Variants in MALT1 observed in about 807,000 individuals in gnomAD.
The protein encoded by MALT1 is MALT1 paracaspase, also known as mucosa-associated lymphoid tissue lymphoma translocation protein 1.
Under a neutral mutation model 85.5 loss-of-function variants are expected in MALT1, and 36 were observed. The observed-to-expected ratio is 0.42, with a 90% CI of 0.32 to 0.56. The LOEUF (loss-of-function observed/expected upper bound fraction) is 0.56, where lower values mean the gene tolerates loss of function less well. MALT1 is among the 20% of genes least tolerant of loss of function. MALT1 has a pLI of 0.10. For missense variants in MALT1, 716 were observed against 981.6 expected, an observed-to-expected ratio of 0.73 and a Z score of 3.62; for synonymous variants, 359 against 361.3, an observed-to-expected ratio of 0.99 and a Z score of 0.07.
At chr18:58,730,521 A>G (rs1042123617) in intron 10 of MALT1, among the ~76,000 whole-genome samples, 2 of 150,748 alleles carry the variant, frequency 1.3e-5, no homozygotes, top group Admixed American at 6.6e-5. Context: ...CTATTATATG[A>G]TTATATTTTG....
Position 58,748,456 on chromosome 18 carries a change from T to G in MALT1, c.*614T>G, listed in dbSNP as rs1403834808. 5.5e-6 allele frequency: 1 copy of G among 181,944 alleles called. No individual in the cohort carries two copies. The highest frequency in any genetic ancestry group is 2.4e-5 in the African/African-American group (1 of 42,544). The allele number at this position is 181,944 out of a possible 1,614,324, so 11.3% of individuals were successfully genotyped here. On this transcript the variant is annotated 3_prime_UTR_variant, in exon 17 of 17. Coordinates refer to ENST00000649217, the MANE Select transcript of MALT1 (RefSeq NM_006785.4). The stretch of plus-strand genomic sequence containing the variant: ...ATGTACAAACTTTAGTTTTTGATTA[T>G]AAGGACTTCACTGCAAGTTTTAGTT...
chr18:58,742,877 A>T (rs928085283), intron 14 of MALT1, among the ~76,000 whole-genome samples: 2 of 152,216 alleles, frequency 1.3e-5, no homozygotes, highest in Admixed American at 1.3e-4. Flanking sequence ...ATCAGCAGAG[A>T]AGATGACGTG....
chr18:58,727,174 G>A (rs1016118229), intron 10 of MALT1, among the ~76,000 whole-genome samples: 1 of 152,176 alleles, frequency 6.6e-6, no homozygotes, highest in African/African-American at 2.4e-5. Flanking sequence ...TTCATCTTTA[G>A]ATTGGGGATT....
At chr18:58,697,997 G>T (rs2054614980) in intron 3 of MALT1, among the ~76,000 whole-genome samples, 1 of 151,734 alleles carries the variant, frequency 6.6e-6, no homozygotes, top group South Asian at 2.1e-4. Context: ...AGCTACTAAG[G>T]TTTTAAGCAA....
At chr18:58,736,574 T>C (rs2055224472) in intron 13 of MALT1, among the ~76,000 whole-genome samples, 1 of 152,256 alleles carries the variant, frequency 6.6e-6, no homozygotes, top group Non-Finnish European at 1.5e-5. Context: ...TTAACTATTT[T>C]AAAACTTAAT....
chr18:58,673,262 C>T (rs2054193118), intron 1 of MALT1, among the ~76,000 whole-genome samples: 1 of 152,120 alleles, frequency 6.6e-6, no homozygotes, highest in African/African-American at 2.4e-5. Flanking sequence ...TATTCAATTC[C>T]TAATCATAAG....
At chr18:58,726,202 G>A (rs1390805168) in intron 10 of MALT1, among the ~76,000 whole-genome samples, 1 of 152,188 alleles carries the variant, frequency 6.6e-6, no homozygotes, top group African/African-American at 2.4e-5. Flanking sequence ...AAAGAGGCAT[G>A]TTAAAGCAAA....
chr18:58,683,341 A>C (rs2054351161), intron 2 of MALT1, among the ~76,000 whole-genome samples: 1 of 152,194 alleles, frequency 6.6e-6, no homozygotes, highest in Non-Finnish European at 1.5e-5. Context: ...ATGCTTAATT[A>C]CTCTAACCGT....
chr18:58,739,150 T>G (rs2055266883), intron 13 of MALT1, among the ~76,000 whole-genome samples: 1 of 152,222 alleles, frequency 6.6e-6, no homozygotes. Context: ...TAGTCTAACA[T>G]TAATCCAACT....
intron 7 of MALT1, among the ~76,000 whole-genome samples, chr18:58,712,583 C>A (rs1440179165): frequency 6.6e-6 from 1 of 152,002 alleles, no homozygotes; most frequent in Non-Finnish European, 1.5e-5. Context: ...TAAGTACAGA[C>A]CTGCAGTTAG....
chr18:58,742,242 A>G (rs2055311419), intron 14 of MALT1, among the ~76,000 whole-genome samples: 1 of 152,202 alleles, frequency 6.6e-6, no homozygotes, highest in Non-Finnish European at 1.5e-5. Context: ...TAAAATTTAA[A>G]TGACCATTTA....
chr18:58,745,536 G>T, intron 15 of MALT1, 130 bp from the exon 16 acceptor site: 2 of 692,324 alleles, frequency 2.9e-6, no homozygotes, highest in Non-Finnish European at 4.8e-6. Flanking sequence ...GATAATTTTG[G>T]GATTACCAAA....
rs548198775 is a variant in MALT1, at chr18:58,733,970, G to A, written c.1401-337G>A. Reference sequence around the variant, plus strand: ...AGACATGGAATGAGTAGCCGAAGCAGATGTTTGGAGGTTTGGATCCCATTT... The same window carrying A: ...AGACATGGAATGAGTAGCCGAAGCAAATGTTTGGAGGTTTGGATCCCATTT... On this transcript the variant is annotated intron_variant, in intron 11 of 16. Coordinates refer to ENST00000649217, the MANE Select transcript of MALT1 (RefSeq NM_006785.4). 3.5e-6 allele frequency: 4 copies of A among 1,156,326 alleles called. No individual in the cohort carries two copies. The African/African-American group carries it at 6.3e-5, about 18-fold the overall frequency. 71.6% of individuals were successfully genotyped at this position (1,156,326 alleles called of 1,614,324 possible).
At chr18:58,697,147 C>T (rs902874304) in intron 3 of MALT1, 12 of 152,212 alleles carry the variant, frequency 7.9e-5, no homozygotes, top group Admixed American at 6.5e-5. Context: ...CCCCCCATCC[C>T]TCTCTATCCT....
chr18:58,719,429 T>C (rs1418216933), intron 9 of MALT1, among the ~76,000 whole-genome samples: 1 of 152,108 alleles, frequency 6.6e-6, no homozygotes, highest in Non-Finnish European at 1.5e-5. Context: ...TTCTCTTCGT[T>C]TCCCTCTCCC....
chr18:58,723,625 A>G (rs2055014554), intron 10 of MALT1, among the ~76,000 whole-genome samples: 1 of 152,172 alleles, frequency 6.6e-6, no homozygotes. Flanking sequence ...GGGTAGCATA[A>G]AAGGTTCTAG....
chr18:58,730,395 G>T (rs922976983), intron 10 of MALT1, among the ~76,000 whole-genome samples: 3 of 152,118 alleles, frequency 2.0e-5, no homozygotes, highest in Non-Finnish European at 2.9e-5. Context: ...TCATATAAAT[G>T]GAATCACCCA....
chr18:58,687,236 A>T (rs1249603165), intron 2 of MALT1, among the ~76,000 whole-genome samples: 2 of 152,248 alleles, frequency 1.3e-5, no homozygotes, highest in East Asian at 3.8e-4. Flanking sequence ...ATGGATGTGC[A>T]TGAGGATAAG....
chr18:58,673,183 TC>T (rs2054191732), intron 1 of MALT1, among the ~76,000 whole-genome samples: 1 of 117,572 alleles, frequency 8.5e-6, no homozygotes, highest in Non-Finnish European at 1.7e-5. Flanking sequence ...GGAAAGTCAT[TC>T]ATTCAAAATG....
Sources: gnomAD v4.1 joint callset for allele counts (sites outside exome capture counted in the v4.1 genomes callset) on GRCh38, gnomAD v4.1.1 for gene constraint, MANE v1.5 for transcripts, NCBI Gene and HGNC (gene_info 2026-07-23, HGNC 2026-07-21) for gene names.